The following RSRC1 variants were observed in gnomAD, a reference collection of about 807,000 sequenced individuals.
The protein encoded by RSRC1 is serine/Arginine-related protein 53.
Under a neutral mutation model 49.1 loss-of-function variants are expected in RSRC1, and 39 were observed. That is an observed-to-expected ratio of 0.79 (90% CI 0.61 to 1.04). The LOEUF (loss-of-function observed/expected upper bound fraction) is 1.04. RSRC1 is among the 50% of genes least tolerant of loss of function. RSRC1 has a pLI of 0.00. For missense variants in RSRC1, 388 were observed against 402.4 expected (o/e 0.96, Z 0.31); for synonymous variants, 143 against 130.8 (o/e 1.09, Z -0.63).
chr3:158,470,817 C>G (rs1738104655), intron 7 of RSRC1, among the ~76,000 whole-genome samples: 1 of 151,938 alleles, frequency 6.6e-6, no homozygotes, highest in South Asian at 2.1e-4. Flanking sequence ...ATCTCCAACG[C>G]CAAGAAAAAA....
intron 6 of RSRC1, among the ~76,000 whole-genome samples, chr3:158,442,589 A>G (rs578095006): frequency 3.9e-5 from 6 of 152,190 alleles, no homozygotes; most frequent in South Asian, 4.1e-4. Context: ...GAGCCCTTCA[A>G]AATCATCCAT....
chr3:158,339,031 G>T (rs188296677), intron 5 of RSRC1, among the ~76,000 whole-genome samples: 2 of 152,080 alleles, frequency 1.3e-5, no homozygotes, highest in African/African-American at 2.4e-5. Context: ...GGTGGCTCAC[G>T]CCTGTAATCC....
intron 5 of RSRC1, chr3:158,303,222 A>G (rs1205249363): frequency 6.6e-6 from 1 of 152,230 alleles, no homozygotes; most frequent in Non-Finnish European, 1.5e-5. Context: ...AGAAGGATTT[A>G]GATCAGAAAA....
intron 4 of RSRC1, among the ~76,000 whole-genome samples, chr3:158,240,138 G>C (rs1723486430): frequency 6.6e-6 from 1 of 151,938 alleles, no homozygotes; most frequent in South Asian, 2.1e-4. Context: ...TAAATATCTT[G>C]AATGTATTTT....
At chr3:158,241,483 A>T (rs892055352) in intron 4 of RSRC1, among the ~76,000 whole-genome samples, 6 of 151,082 alleles carry the variant, frequency 4.0e-5, no homozygotes, top group South Asian at 2.1e-4. Context: ...TTATAAAAAT[A>T]TTTTTTTTAA....
intron 4 of RSRC1, among the ~76,000 whole-genome samples, chr3:158,268,458 G>T (rs1480785214): frequency 6.6e-6 from 1 of 151,994 alleles, no homozygotes. Context: ...CATTTTTTCT[G>T]TTCTTTTAGC....
chr3:158,174,147 T>G (rs1375224968), intron 3 of RSRC1, among the ~76,000 whole-genome samples: 3 of 151,876 alleles, frequency 2.0e-5, no homozygotes, highest in African/African-American at 7.2e-5. Flanking sequence ...TTCAAGATAA[T>G]ATATTTTCTC....
chr3:158,112,413 C>A (rs1714474965), intron 1 of RSRC1, among the ~76,000 whole-genome samples: 1 of 152,144 alleles, frequency 6.6e-6, no homozygotes, highest in African/African-American at 2.4e-5. Flanking sequence ...AGTAGGACTT[C>A]AGTACCTGTC....
intron 3 of RSRC1, among the ~76,000 whole-genome samples, chr3:158,133,872 A>G (rs771706477): frequency 3.9e-5 from 6 of 152,182 alleles, no homozygotes; most frequent in Non-Finnish European, 7.4e-5. Context: ...GAACAGGTTG[A>G]AGTGATTCTG....
chr3:158,171,803 C>G (rs1003624412), intron 3 of RSRC1, among the ~76,000 whole-genome samples: 3 of 151,922 alleles, frequency 2.0e-5, no homozygotes, highest in Non-Finnish European at 4.4e-5. Flanking sequence ...TAAAAAAATT[C>G]AGCCAGGCGT....
chr3:158,272,835 T>C (rs1725596235), intron 4 of RSRC1, among the ~76,000 whole-genome samples: 1 of 152,082 alleles, frequency 6.6e-6, no homozygotes. Context: ...CATAGATTTA[T>C]CAGTTATTTA....
chr3:158,319,452 A>T (rs1440867320), intron 5 of RSRC1, among the ~76,000 whole-genome samples: 4 of 152,174 alleles, frequency 2.6e-5, no homozygotes, highest in African/African-American at 9.7e-5. Flanking sequence ...GTAATTCTTT[A>T]TAGCAGTGTG....
chr3:158,534,210 A>C (rs1712585140), intron 7 of RSRC1, among the ~76,000 whole-genome samples: 1 of 151,746 alleles, frequency 6.6e-6, no homozygotes, highest in African/African-American at 2.4e-5. Context: ...TAGAACTTGC[A>C]CAAGACTATA....
intron 6 of RSRC1, among the ~76,000 whole-genome samples, chr3:158,458,553 G>A (rs1165438964): frequency 6.6e-6 from 1 of 152,186 alleles, no homozygotes; most frequent in Non-Finnish European, 1.5e-5. Flanking sequence ...GGTAGTGAAG[G>A]AAGCGAAGCC....
intron 4 of RSRC1, among the ~76,000 whole-genome samples, chr3:158,240,940 A>G (rs963355780): frequency 3.3e-5 from 5 of 152,204 alleles, no homozygotes; most frequent in Admixed American, 1.3e-4. Context: ...TCACATTTTT[A>G]TAACTTTTAT....
At chr3:158,161,490 T>C (rs1718214545) in intron 3 of RSRC1, among the ~76,000 whole-genome samples, 1 of 151,962 alleles carries the variant, frequency 6.6e-6, no homozygotes. Context: ...GGGCAGGTGC[T>C]GTGGCTCACG....
At chr3:158,145,848 A>G (rs1717065377) in intron 3 of RSRC1, among the ~76,000 whole-genome samples, 2 of 152,178 alleles carry the variant, frequency 1.3e-5, no homozygotes, top group Non-Finnish European at 2.9e-5. Context: ...GGTCCTTCAC[A>G]TCCCTTGTAA....
chr3:158,518,688 C>T (rs1273407543), intron 7 of RSRC1, among the ~76,000 whole-genome samples: 1 of 152,098 alleles, frequency 6.6e-6, no homozygotes, highest in Non-Finnish European at 1.5e-5. Context: ...CCAATACTCT[C>T]TAATTTTCCA....
rs139685302 is a variant in RSRC1, at chr3:158,248,846, C to T, written c.494+45601C>T. 4.4e-3 allele frequency among the ~76,000 whole-genome samples: 667 copies of T among 152,136 alleles called. 4 individuals are homozygous for T. The highest frequency in any genetic ancestry group is 0.016 in the African/African-American group (644 of 41,508). ...CTGTTTGCCTCAAGTGATCCGCCTG[C>T]CCAGCTTAGGTTAACTTTTTAAGAA... On this transcript the variant is annotated intron_variant, in intron 4 of 9. Transcript: ENST00000611884.
Sources: allele counts gnomAD v4.1 joint callset (sites outside exome capture counted in the v4.1 genomes callset), GRCh38; gene constraint gnomAD v4.1.1; transcripts MANE v1.5; gene names NCBI Gene and HGNC (gene_info 2026-07-23, HGNC 2026-07-21).